The following UIMC1 variants were observed in gnomAD, a reference collection of about 807,000 sequenced individuals.
UIMC1 encodes the protein BRCA1-A complex subunit RAP80.
A neutral mutation model predicts 84.9 loss-of-function variants in UIMC1; 42 were observed. The observed-to-expected ratio is 0.49, with a 90% CI of 0.39 to 0.64. The LOEUF (loss-of-function observed/expected upper bound fraction) is 0.64. UIMC1 is among the 30% of genes least tolerant of loss of function. The probability of loss-of-function intolerance (pLI) is 0.00; values close to 1 mark genes in which losing one functional copy is unlikely to be tolerated. For synonymous variants in UIMC1, 281 were observed against 293.0 expected (o/e 0.96, Z 0.42); for missense variants, 825 against 847.6 (o/e 0.97, Z 0.33).
chr5:176,905,565 A>C (rs1581315309), intron 14 of UIMC1, 73 bp from the exon 15 acceptor site: 1 of 1,359,582 alleles, frequency 7.4e-7, no homozygotes, highest in Non-Finnish European at 1.0e-6. Flanking sequence ...GCACTGTATC[A>C]GGGGATTTTA....
intron 2 of UIMC1, among the ~76,000 whole-genome samples, chr5:176,975,962 A>G (rs1173657558): frequency 1.3e-5 from 2 of 152,102 alleles, no homozygotes; most frequent in African/African-American, 4.8e-5. Flanking sequence ...ATTTAATAAG[A>G]AACGCAAACA....
At chr5:176,947,547 G>A (rs1033508550) in intron 9 of UIMC1, among the ~76,000 whole-genome samples, 2 of 152,034 alleles carry the variant, frequency 1.3e-5, no homozygotes, top group African/African-American at 4.8e-5. Flanking sequence ...GGCCAGGCAC[G>A]GTGGCTCACG....
intron 1 of UIMC1, among the ~76,000 whole-genome samples, chr5:177,015,933 G>A (rs769199598): frequency 2.0e-5 from 3 of 152,038 alleles, no homozygotes; most frequent in Non-Finnish European, 4.4e-5. Context: ...AGCCAGACGT[G>A]GTGGCGCACA....
intron 6 of UIMC1, among the ~76,000 whole-genome samples, chr5:176,962,281 C>T (rs1319682170): frequency 1.2e-4 from 2 of 17,326 alleles, no homozygotes; most frequent in Admixed American, 3.0e-4. Context: ...CCAGCCGCCC[C>T]GTCCGCGAGG....
intron 10 of UIMC1, among the ~76,000 whole-genome samples, chr5:176,915,502 C>G (rs909758110): frequency 6.6e-6 from 1 of 150,584 alleles, no homozygotes; most frequent in African/African-American, 2.5e-5. Context: ...ATCACCCAGG[C>G]TGGAGTGCAG....
At chr5:177,004,701 C>T (rs763580310) in intron 1 of UIMC1, among the ~76,000 whole-genome samples, 1 of 152,112 alleles carries the variant, frequency 6.6e-6, no homozygotes, top group African/African-American at 2.4e-5. Flanking sequence ...CTTGAAAATC[C>T]TCAATTTCAG....
rs764607271 is a variant in UIMC1, at chr5:176,943,377, G to A, written c.1555C>T (p.Arg519Ter). 3.1e-6 allele frequency: 5 copies of A among 1,614,078 alleles called. No individual in the cohort carries two copies. Among genetic ancestry groups the A allele is most frequent in the African/African-American group, 2.7e-5 (2 of 75,018 alleles). The change falls in exon 10 of 15, where the codon CGA becomes TGA. Residue 519 changes from arginine (R) to a stop codon, truncating the protein, a stop_gained. Transcript: ENST00000511320. LOFTEE classifies it high-confidence loss of function. ...DQCFPPTKIE[R>*]HAMYCNGLME... Reference sequence around the variant, plus strand: ...AGACCATTGCAGTACATGGCATGTCGTTCAATCTTTGTGGGTGGAAAGCAT... The same window carrying A: ...AGACCATTGCAGTACATGGCATGTCATTCAATCTTTGTGGGTGGAAAGCAT...
intron 1 of UIMC1, among the ~76,000 whole-genome samples, chr5:176,996,169 G>A (rs958983159): frequency 6.6e-6 from 1 of 152,144 alleles, no homozygotes; most frequent in African/African-American, 2.4e-5. Context: ...ACATTATGGT[G>A]AGCAAAAGAA....
intron 1 of UIMC1, among the ~76,000 whole-genome samples, chr5:177,016,279 G>A (rs1168710151): frequency 4.0e-5 from 6 of 151,400 alleles, no homozygotes; most frequent in Admixed American, 2.6e-4. Flanking sequence ...CAGGAGAATC[G>A]CTTGAACCTG....
intron 3 of UIMC1, among the ~76,000 whole-genome samples, chr5:176,973,579 CA>C (rs779224466): frequency 0.022 from 1,694 of 78,314 alleles, 7 homozygotes; most frequent in South Asian, 0.043. Flanking sequence ...GACCCTGTCT[CA>C]AAAAAAAAAA....
chr5:176,917,691 G>T (rs1299646428), intron 10 of UIMC1, among the ~76,000 whole-genome samples: 3 of 152,230 alleles, frequency 2.0e-5, no homozygotes, highest in African/African-American at 7.2e-5. Flanking sequence ...AAGGAGCGGT[G>T]GCTCACGCCT....
intron 2 of UIMC1, 43 bp downstream of exon 2, chr5:176,982,426 G>A: frequency 6.3e-7 from 1 of 1,585,050 alleles, no homozygotes; most frequent in South Asian, 1.2e-5. Context: ...AAGAAGCATA[G>A]TTTGAGAGCT....
intron 4 of UIMC1, 55 bp downstream of exon 4, chr5:176,970,687 A>T: frequency 6.2e-7 from 1 of 1,612,830 alleles, no homozygotes; most frequent in Non-Finnish European, 8.5e-7. Context: ...ACACCACAGA[A>T]GTCAAAAATA....
At chr5:176,948,402 T>C (rs900231766) in intron 9 of UIMC1, among the ~76,000 whole-genome samples, 2 of 152,152 alleles carry the variant, frequency 1.3e-5, no homozygotes, top group Non-Finnish European at 2.9e-5. Flanking sequence ...GACAAATCTC[T>C]ACCACGTTTT....
intron 2 of UIMC1, among the ~76,000 whole-genome samples, chr5:176,976,183 T>G (rs150354503): frequency 6.6e-6 from 1 of 152,000 alleles, no homozygotes; most frequent in Non-Finnish European, 1.5e-5. Context: ...TTTTTTAAAT[T>G]AGCCAGGCAT....
chr5:177,003,213 A>G (rs534693325), intron 1 of UIMC1, among the ~76,000 whole-genome samples: 1 of 151,578 alleles, frequency 6.6e-6, no homozygotes, highest in African/African-American at 2.4e-5. Context: ...ACACACACAC[A>G]TATAAACACA....
At chr5:176,938,536 G>A (rs778813794) in intron 10 of UIMC1, among the ~76,000 whole-genome samples, 5 of 152,192 alleles carry the variant, frequency 3.3e-5, no homozygotes, top group African/African-American at 1.2e-4. Context: ...GCAGAGAGTA[G>A]AATGGTTCCA....
intron 1 of UIMC1, among the ~76,000 whole-genome samples, chr5:177,012,887 G>A (rs559059755): frequency 6.6e-5 from 10 of 151,410 alleles, no homozygotes; most frequent in African/African-American, 2.4e-4. Context: ...ACCAGCCTGG[G>A]CAACATTGTG....
chr5:176,943,596 C>G lies in UIMC1; in HGVS notation c.1444-108G>C, dbSNP rs1372362264. On this transcript the variant is annotated intron_variant, in intron 9 of 14. Coordinates refer to ENST00000511320, the MANE Select transcript of UIMC1 (RefSeq NM_001199298.2). ...ATTTCACTTACTTTCAAAGAGACAA[C>G]AACAGCTTATCAAATTCAGGAGTAA... 5 of 1,348,068 alleles carry G rather than the reference C, an allele frequency of 3.7e-6. No individual in the cohort carries two copies. The African/African-American group carries it at 4.4e-5, about 12-fold the overall frequency. The allele number at this position is 1,348,068 out of a possible 1,614,324, so 83.5% of individuals were successfully genotyped here.
Sources: allele counts gnomAD v4.1 joint callset (sites outside exome capture counted in the v4.1 genomes callset), GRCh38; gene constraint gnomAD v4.1.1; transcripts MANE v1.5; gene names NCBI Gene and HGNC (gene_info 2026-07-23, HGNC 2026-07-21).